Variants in RTN1 observed in about 807,000 individuals in gnomAD.
RTN1 encodes reticulon 1.
In RTN1, 25 loss-of-function variants were observed where a neutral mutation model predicts 65.5. The observed-to-expected ratio is 0.38, with a 90% CI of 0.28 to 0.53. The LOEUF is 0.53. RTN1 is among the 20% of genes least tolerant of loss of function. RTN1 has a pLI of 0.79. For missense variants in RTN1, 983 were observed against 1,025.4 expected, an observed-to-expected ratio of 0.96 and a Z score of 0.57; for synonymous variants, 471 against 447.6, an observed-to-expected ratio of 1.05 and a Z score of -0.66.
At chr14:59,672,669 T>C (rs1257874434) in intron 3 of RTN1, among the ~76,000 whole-genome samples, 1 of 135,374 alleles carries the variant, frequency 7.4e-6, no homozygotes. Flanking sequence ...AGTCTCGCTC[T>C]GTCGCCCAGG....
intron 1 of RTN1, among the ~76,000 whole-genome samples, chr14:59,833,669 A>G (rs1474241195): frequency 1.3e-5 from 2 of 152,054 alleles, no homozygotes; most frequent in African/African-American, 4.8e-5. Flanking sequence ...TAGTTTTTCA[A>G]TCCTCACCCT....
chr14:59,765,987 T>C (rs536974281), intron 1 of RTN1, among the ~76,000 whole-genome samples: 1 of 152,344 alleles, frequency 6.6e-6, no homozygotes, highest in East Asian at 1.9e-4. Context: ...CCCAGCACTT[T>C]GGGAGGCCTA....
chr14:59,681,891 T>G (rs544267674), intron 3 of RTN1, among the ~76,000 whole-genome samples: 1 of 152,182 alleles, frequency 6.6e-6, no homozygotes, highest in South Asian at 2.1e-4. Context: ...ATTCATCCTC[T>G]CAGCTGCTAC....
At chr14:59,802,551 A>G (rs967768711) in intron 1 of RTN1, among the ~76,000 whole-genome samples, 1 of 152,228 alleles carries the variant, frequency 6.6e-6, no homozygotes, top group Non-Finnish European at 1.5e-5. Context: ...AATACACATT[A>G]TTCACAATTA....
chr14:59,677,361 TG>T (rs1414368043), intron 3 of RTN1, among the ~76,000 whole-genome samples: 1 of 152,238 alleles, frequency 6.6e-6, no homozygotes, highest in Non-Finnish European at 1.5e-5. Flanking sequence ...CCAGGGATGC[TG>T]GTACCCCACT....
chr14:59,681,453 A>G (rs1286007225), intron 3 of RTN1, among the ~76,000 whole-genome samples: 1 of 152,180 alleles, frequency 6.6e-6, no homozygotes, highest in African/African-American at 2.4e-5. Flanking sequence ...TCTAGCTCCA[A>G]TAATGATTAT....
chr14:59,611,697 C>T (rs1333231116), intron 3 of RTN1, among the ~76,000 whole-genome samples: 2 of 152,022 alleles, frequency 1.3e-5, no homozygotes, highest in Admixed American at 1.3e-4. Context: ...TATGAAGAGT[C>T]TTGGTTTGGG....
At chr14:59,866,428 T>C (rs1304237973) in intron 1 of RTN1, among the ~76,000 whole-genome samples, 2 of 152,150 alleles carry the variant, frequency 1.3e-5, no homozygotes, top group East Asian at 3.8e-4. Flanking sequence ...GGAGAGCCTA[T>C]GAGCAGGGCA....
chr14:59,666,525 A>G lies in RTN1; in HGVS notation c.1766-59033T>C, dbSNP rs938134426. The stretch of plus-strand genomic sequence containing the variant: ...AATCGACACTCTAACATCACAATTA[A>G]AAGAACTAGAGAAGCAAGAGCAAAC... On this transcript the variant is annotated intron_variant, in intron 3 of 8. Transcript: ENST00000267484. Among the ~76,000 whole-genome samples the G allele has an allele frequency of 3.1e-4, 47 of 152,188 alleles. 1 individual carries two copies. The highest frequency in any genetic ancestry group is 4.4e-5 in the Non-Finnish European group (3 of 68,030).
intron 3 of RTN1, among the ~76,000 whole-genome samples, chr14:59,672,587 A>AATGAGTG (rs1464526125): frequency 6.7e-6 from 1 of 149,406 alleles, no homozygotes; most frequent in Non-Finnish European, 1.5e-5. Flanking sequence ...TTATTTGTTG[A>AATGAGTG]ATGAGTGATT....
rs1285844825 is a variant in RTN1 at position 59,727,582 on chromosome 14, A to G, written c.1102T>C (p.Tyr368His). 1 of 1,612,664 alleles carries G rather than the reference A, an allele frequency of 6.2e-7. No individual in the cohort carries two copies. The highest frequency in any genetic ancestry group is 8.5e-7 in the Non-Finnish European group (1 of 1,179,698). The change falls in exon 3 of 9, where the codon TAT (tyrosine) becomes CAT (histidine). Residue 368 changes from tyrosine to histidine, a missense_variant. Around this residue, in one of 2 missense-constraint regions of RTN1, gnomAD observed 818 missense variants for 801.8 expected, o/e 1.02. Coordinates refer to ENST00000267484, the MANE Select transcript of RTN1 (RefSeq NM_021136.3). The surrounding 1 kb of genome is among the most constrained non-coding windows in gnomAD (Gnocchi z 4.2). Reference sequence around the variant, plus strand: ...GGCCGTGGGTTCTCGGCGGTTTCATACGATAATCCCTTTGCTTCTTTGATG... The same window carrying G: ...GGCCGTGGGTTCTCGGCGGTTTCATGCGATAATCCCTTTGCTTCTTTGATG... ...TAIKEAKGLS[Y>H]ETAENPRPVG...
At chr14:59,771,944 C>G (rs549674561) in intron 1 of RTN1, among the ~76,000 whole-genome samples, 10 of 152,270 alleles carry the variant, frequency 6.6e-5, no homozygotes, top group African/African-American at 2.4e-4. Context: ...TGTAAAATAA[C>G]CATTTTATTT....
chr14:59,818,650 G>C (rs982875562), intron 1 of RTN1, among the ~76,000 whole-genome samples: 3 of 152,286 alleles, frequency 2.0e-5, no homozygotes, highest in East Asian at 3.9e-4. Context: ...CTTTATGGTA[G>C]GAGGATTTAT....
intron 1 of RTN1, among the ~76,000 whole-genome samples, chr14:59,827,053 G>A (rs563672086): frequency 1.1e-4 from 16 of 151,560 alleles, no homozygotes; most frequent in Non-Finnish European, 1.9e-4. Context: ...ACAAGGACAT[G>A]TGTATATGTG....
chr14:59,697,120 T>A (rs1884080024), intron 3 of RTN1, among the ~76,000 whole-genome samples: 1 of 152,188 alleles, frequency 6.6e-6, no homozygotes, highest in Non-Finnish European at 1.5e-5. Context: ...GAATAAATGC[T>A]GATTAATGAA....
At chr14:59,735,878 A>T (rs1455923131) in intron 2 of RTN1, among the ~76,000 whole-genome samples, 1 of 152,182 alleles carries the variant, frequency 6.6e-6, no homozygotes, top group Non-Finnish European at 1.5e-5. Flanking sequence ...AGAACTCAAG[A>T]TTAAGAAATT....
chr14:59,855,857 C>A (rs768931174), intron 1 of RTN1, among the ~76,000 whole-genome samples: 5 of 152,188 alleles, frequency 3.3e-5, no homozygotes, highest in Non-Finnish European at 5.9e-5. Flanking sequence ...GAAGTCTAGG[C>A]TCCCTCCTTG....
chr14:59,736,808 A>C (rs1003415222), intron 2 of RTN1, among the ~76,000 whole-genome samples: 1 of 152,206 alleles, frequency 6.6e-6, no homozygotes, highest in Non-Finnish European at 1.5e-5. Flanking sequence ...ATCCAGCAGC[A>C]CATCAAAAAG....
At chr14:59,688,013 C>G (rs560830688) in intron 3 of RTN1, among the ~76,000 whole-genome samples, 1 of 152,240 alleles carries the variant, frequency 6.6e-6, no homozygotes, top group African/African-American at 2.4e-5. Context: ...TCTGTGCTCT[C>G]TATGCCCAAG....
Sources: allele counts gnomAD v4.1 joint callset (sites outside exome capture counted in the v4.1 genomes callset), GRCh38; gene constraint gnomAD v4.1.1; regional missense constraint gnomAD v4.1.1; non-coding constraint Gnocchi (gnomAD v3.1); transcripts MANE v1.5; gene names NCBI Gene and HGNC (gene_info 2026-07-23, HGNC 2026-07-21).